The following DSCAM variants were observed in gnomAD, a reference collection of about 807,000 sequenced individuals.
The protein encoded by DSCAM is cell adhesion molecule DSCAM.
In DSCAM, 47 loss-of-function variants were observed where a neutral mutation model predicts 217.7. The observed-to-expected ratio is 0.22, with a 90% confidence interval of 0.17 to 0.28. DSCAM has a LOEUF of 0.28. Among genes scored for constraint, DSCAM ranks in the 10% least tolerant of loss-of-function variants. The pLI is 1.00. For missense variants in DSCAM, 2,080 were observed against 2,618.3 expected (o/e 0.79, Z 4.49); for synonymous variants, 1,056 against 1,015.3 (o/e 1.04, Z -0.76).
At position 40,268,389 on chromosome 21, in the gene DSCAM, T is replaced by C. The variant is rs1046964432; in HGVS notation, c.2356+7708A>G. Among the ~76,000 whole-genome samples, 4 of 152,140 alleles carry C rather than the reference T, an allele frequency of 2.6e-5. No homozygotes were observed. In the South Asian group the frequency reaches 6.2e-4, roughly 24 times the overall value. On this transcript the variant is annotated intron_variant, in intron 11 of 32. Transcript: ENST00000400454. ...AGTGACCCCACAGTCAAGGACCATA[T>C]GGCACTCAGACTTCTCAGCAGATGC...
At chr21:40,725,069 C>T (rs909887170) in intron 1 of DSCAM, among the ~76,000 whole-genome samples, 2 of 151,726 alleles carry the variant, frequency 1.3e-5, no homozygotes, top group African/African-American at 2.4e-5. Flanking sequence ...TCTGGTCCCT[C>T]GAATTTACCA....
At chr21:40,640,580 G>C (rs544505834) in intron 3 of DSCAM, among the ~76,000 whole-genome samples, 2 of 152,262 alleles carry the variant, frequency 1.3e-5, no homozygotes, top group South Asian at 2.1e-4. Context: ...ATGGATAACC[G>C]ATGACTGATG....
At chr21:40,250,148 C>G (rs967847602) in intron 11 of DSCAM, among the ~76,000 whole-genome samples, 2 of 152,180 alleles carry the variant, frequency 1.3e-5, no homozygotes, top group Non-Finnish European at 2.9e-5. Context: ...TTGCAGGGTT[C>G]AGGCCAGTAG....
chr21:40,739,563 A>T (rs1270107030), intron 1 of DSCAM, among the ~76,000 whole-genome samples: 3 of 152,090 alleles, frequency 2.0e-5, no homozygotes, highest in Non-Finnish European at 4.4e-5. Flanking sequence ...TCCTCTTCTT[A>T]TAAGGATGCC....
At chr21:40,123,098 A>T (rs192481464) in intron 20 of DSCAM, among the ~76,000 whole-genome samples, 2 of 152,306 alleles carry the variant, frequency 1.3e-5, no homozygotes, top group African/African-American at 4.8e-5. Context: ...GAGGAGTCAA[A>T]TCCAGAGACA....
intron 3 of DSCAM, among the ~76,000 whole-genome samples, chr21:40,550,290 G>A (rs568237461): frequency 7.9e-5 from 12 of 152,212 alleles, no homozygotes; most frequent in East Asian, 5.8e-4. Context: ...TTTGGGAGGC[G>A]GAGGTGGGCG....
intron 3 of DSCAM, among the ~76,000 whole-genome samples, chr21:40,453,983 A>T (rs1211829504): frequency 6.6e-6 from 1 of 152,160 alleles, no homozygotes; most frequent in Non-Finnish European, 1.5e-5. Flanking sequence ...GGGCCCTAAC[A>T]TGGGAACAAG....
At chr21:40,726,218 C>T (rs1467787834) in intron 1 of DSCAM, among the ~76,000 whole-genome samples, 3 of 152,132 alleles carry the variant, frequency 2.0e-5, no homozygotes, top group Non-Finnish European at 4.4e-5. Flanking sequence ...ATTAGTAACA[C>T]ATGCAGTGAA....
chr21:40,405,008 T>C (rs2075268341), intron 3 of DSCAM, among the ~76,000 whole-genome samples: 1 of 152,210 alleles, frequency 6.6e-6, no homozygotes, highest in Non-Finnish European at 1.5e-5. Context: ...ATATGTATTA[T>C]TCAAGTTGAG....
intron 3 of DSCAM, among the ~76,000 whole-genome samples, chr21:40,588,259 T>C (rs73366979): frequency 0.03 from 4,604 of 152,284 alleles, 197 homozygotes; most frequent in East Asian, 0.092. Context: ...CTCAAAATCA[T>C]GGATTTTGGC....
chr21:40,159,214 T>G (rs995459315), intron 16 of DSCAM, among the ~76,000 whole-genome samples: 2 of 152,232 alleles, frequency 1.3e-5, no homozygotes, highest in Non-Finnish European at 1.5e-5. Flanking sequence ...TGCCATTTGA[T>G]GATGTCTATG....
intron 32 of DSCAM, among the ~76,000 whole-genome samples, chr21:40,019,477 T>A (rs988473827): frequency 9.9e-5 from 15 of 152,220 alleles, no homozygotes; most frequent in African/African-American, 3.6e-4. Flanking sequence ...GTAACTTAGA[T>A]AATGCATGTG....
intron 31 of DSCAM, among the ~76,000 whole-genome samples, chr21:40,043,563 G>C: frequency 6.6e-6 from 1 of 152,220 alleles, no homozygotes; most frequent in Non-Finnish European, 1.5e-5. Flanking sequence ...TCTCTCTGAA[G>C]TGAAAACTTG....
intron 3 of DSCAM, among the ~76,000 whole-genome samples, chr21:40,463,609 C>T (rs2075822324): frequency 6.6e-6 from 1 of 152,198 alleles, no homozygotes; most frequent in Non-Finnish European, 1.5e-5. Context: ...GGCTGCTGCT[C>T]TTCCTGACCT....
At chr21:40,205,884 T>C (rs183720688) in intron 11 of DSCAM, among the ~76,000 whole-genome samples, 13 of 152,334 alleles carry the variant, frequency 8.5e-5, no homozygotes, top group Admixed American at 3.3e-4. Context: ...TGAAGAAAGA[T>C]TGTTGCACTG....
chr21:40,773,716 T>A (rs968097573), intron 1 of DSCAM, among the ~76,000 whole-genome samples: 2 of 152,204 alleles, frequency 1.3e-5, no homozygotes, highest in Non-Finnish European at 2.9e-5. Flanking sequence ...GAAAGGCATT[T>A]GGGCCAAGAC....
chr21:40,077,028 C>T (rs977572700), intron 26 of DSCAM, among the ~76,000 whole-genome samples: 1 of 152,134 alleles, frequency 6.6e-6, no homozygotes, highest in Non-Finnish European at 1.5e-5. Flanking sequence ...CTGGGTGATG[C>T]TTTGTGATGG....
intron 3 of DSCAM, among the ~76,000 whole-genome samples, chr21:40,447,186 T>C (rs2145923096): frequency 6.6e-6 from 1 of 152,266 alleles, no homozygotes; most frequent in Admixed American, 6.5e-5. Context: ...AGGTTGGGCA[T>C]GTAGGTGAAT....
In DSCAM at chr21:40,134,385, C is replaced by T. The variant is rs533185028; in HGVS notation, c.3407-376G>A. 7.2e-4 allele frequency among the ~76,000 whole-genome samples: 109 copies of T among 152,300 alleles called. 1 individual carries two copies. The highest frequency in any genetic ancestry group is 6.8e-3 in the Middle Eastern group (2 of 294). On this transcript the variant is annotated intron_variant, in intron 18 of 32. Coordinates refer to ENST00000400454, the MANE Select transcript of DSCAM (RefSeq NM_001389.5). ...CAGCACACTTAGGGCGACACACACA[C>T]GCTGCACACTTGGCAGCCCCACTGC...
Sources: allele counts gnomAD v4.1 joint callset (sites outside exome capture counted in the v4.1 genomes callset), GRCh38; gene constraint gnomAD v4.1.1; transcripts MANE v1.5; gene names NCBI Gene and HGNC (gene_info 2026-07-23, HGNC 2026-07-21).